Variants in MEGF11 observed in about 807,000 individuals in gnomAD.
MEGF11 encodes multiple EGF like domains 11, also known as multiple epidermal growth factor-like domains protein 11.
Under a neutral mutation model 146.6 loss-of-function variants are expected in MEGF11, and 126 were observed. The observed-to-expected ratio is 0.86, with a 90% confidence interval of 0.74 to 1.00. The LOEUF is 1.00. Ranked by LOEUF, MEGF11 falls within the 50% of genes least tolerant of loss-of-function variation. The probability of loss-of-function intolerance (pLI) is 0.00; values close to 1 mark genes in which losing one functional copy is unlikely to be tolerated. For missense variants in MEGF11, 1,509 were observed against 1,521.2 expected (o/e 0.99, Z 0.13); for synonymous variants, 532 against 583.4 (o/e 0.91, Z 1.27).
intron 5 of MEGF11, among the ~76,000 whole-genome samples, chr15:66,008,392 C>T (rs930589769): frequency 5.3e-5 from 4 of 74,784 alleles, no homozygotes; most frequent in African/African-American, 1.6e-4. Flanking sequence ...CGATGAAACA[C>T]ACATGCACAC....
At chr15:66,203,437 TG>T (rs2091221884) in intron 1 of MEGF11, among the ~76,000 whole-genome samples, 1 of 152,236 alleles carries the variant, frequency 6.6e-6, no homozygotes, top group South Asian at 2.1e-4. Flanking sequence ...AGTCAGACTC[TG>T]GGGTCCCAGG....
chr15:65,914,076 C>T, intron 19 of MEGF11, 103 bp from the exon 20 acceptor site: 1 of 871,036 alleles, frequency 1.1e-6, no homozygotes, highest in South Asian at 1.6e-5. Context: ...GTTAGGAGAT[C>T]TGGTTCTGGC....
At chr15:65,983,948 C>T (rs2081751506) in intron 5 of MEGF11, among the ~76,000 whole-genome samples, 1 of 152,206 alleles carries the variant, frequency 6.6e-6, no homozygotes, top group South Asian at 2.1e-4. Flanking sequence ...AGGATCAGCC[C>T]CACCAGTCCC....
intron 5 of MEGF11, among the ~76,000 whole-genome samples, chr15:66,018,596 GGT>G (rs1420438198): frequency 6.6e-6 from 1 of 152,214 alleles, no homozygotes; most frequent in Non-Finnish European, 1.5e-5. Context: ...TGTGGGAGAG[GGT>G]GTGCGTGTGC....
intron 1 of MEGF11, among the ~76,000 whole-genome samples, chr15:66,143,833 G>T (rs545666617): frequency 6.6e-6 from 1 of 152,078 alleles, no homozygotes; most frequent in Admixed American, 6.5e-5. Flanking sequence ...CTCATTCACC[G>T]TGTCCTTTGA....
At chr15:65,945,604 CAT>C (rs2141403613) in intron 10 of MEGF11, among the ~76,000 whole-genome samples, 1 of 152,262 alleles carries the variant, frequency 6.6e-6, no homozygotes, top group African/African-American at 2.4e-5. Flanking sequence ...AGTGAGAGCA[CAT>C]GAGATGGTGT....
intron 23 of MEGF11, among the ~76,000 whole-genome samples, chr15:65,907,192 T>A (rs1253659384): frequency 1.3e-5 from 2 of 152,216 alleles, no homozygotes; most frequent in Non-Finnish European, 2.9e-5. Flanking sequence ...AGAGTTCCCA[T>A]GTTGAATTTG....
At chr15:66,234,895 G>C (rs2092056241) in intron 1 of MEGF11, among the ~76,000 whole-genome samples, 1 of 152,042 alleles carries the variant, frequency 6.6e-6, no homozygotes, top group African/African-American at 2.4e-5. Context: ...GAGTCCCAGA[G>C]CAATCCCTGG....
chr15:66,107,489 C>T (rs1055106166), intron 4 of MEGF11, among the ~76,000 whole-genome samples: 16 of 152,338 alleles, frequency 1.1e-4, no homozygotes, highest in Admixed American at 5.9e-4. Flanking sequence ...TGCTGCCCTA[C>T]GTCCTGGAAG....
intron 10 of MEGF11, among the ~76,000 whole-genome samples, chr15:65,955,793 T>TATATACACAC (rs1555455862): frequency 4.4e-4 from 3 of 6,776 alleles, no homozygotes; most frequent in East Asian, 5.7e-3. Flanking sequence ...TATATATATA[T>TATATACACAC]ACACACACAC....
At chr15:66,153,977 C>T (rs370718242) in intron 1 of MEGF11, among the ~76,000 whole-genome samples, 3 of 152,282 alleles carry the variant, frequency 2.0e-5, no homozygotes, top group Admixed American at 6.5e-5. Flanking sequence ...GCCCTGGTGA[C>T]GGGTATCAAC....
chr15:66,010,078 G>A (rs1306542400), intron 5 of MEGF11, among the ~76,000 whole-genome samples: 1 of 150,910 alleles, frequency 6.6e-6, no homozygotes. Context: ...GAGAATGGGT[G>A]TCCAGTGTTT....
intron 1 of MEGF11, among the ~76,000 whole-genome samples, chr15:66,243,836 A>G (rs993330607): frequency 6.6e-6 from 1 of 152,140 alleles, no homozygotes; most frequent in Admixed American, 6.5e-5. Context: ...CTAGATACAC[A>G]GGGGTAAGTC....
intron 10 of MEGF11, among the ~76,000 whole-genome samples, chr15:65,936,648 C>T (rs770726023): frequency 5.9e-5 from 9 of 152,194 alleles, no homozygotes; most frequent in Non-Finnish European, 1.0e-4. Flanking sequence ...CTCATGCCTA[C>T]ATCCAGGTAT....
chr15:65,922,871 C>T lies in MEGF11; in HGVS notation c.1774G>A (p.Gly592Arg), dbSNP rs749601262. The change falls in exon 14 of 26, where the codon GGG (glycine) becomes AGG (arginine). Residue 592 changes from glycine (G) to arginine (R), a missense_variant. Physicochemically the swap from Gly to Arg is moderately radical, Grantham distance 125 (BLOSUM62 -2). Coordinates refer to ENST00000395614, the MANE Select transcript of MEGF11 (RefSeq NM_001385028.1). ...AAGCCAGGGGCACACTCGCAGCTCC[C>T]ATCCTCTGGGGAGCAGGAGCCTCCA... ...ENGGSCSPEDGSCECAPGFRG... is the reference protein window; with the variant it reads ...ENGGSCSPEDRSCECAPGFRG... The T allele has an allele frequency of 1.9e-5, 30 of 1,613,492 alleles. No individual in the cohort carries two copies. Among genetic ancestry groups the T allele is most frequent in the Non-Finnish European group, 2.5e-5 (30 of 1,179,808 alleles).
chr15:66,046,915 GACA>G (rs2084228428), intron 5 of MEGF11, among the ~76,000 whole-genome samples: 2 of 152,162 alleles, frequency 1.3e-5, no homozygotes, highest in Admixed American at 6.5e-5. Flanking sequence ...GAGGAATGGG[GACA>G]ACAAGGACAG....
In MEGF11 at chr15:66,005,226, C is replaced by T. The variant is rs192253977; in HGVS notation, c.395-22738G>A. Among the ~76,000 whole-genome samples the T allele has an allele frequency of 2.5e-3, 381 of 152,320 alleles. 1 individual carries two copies. The highest frequency in any genetic ancestry group is 0.01 in the Middle Eastern group (3 of 294). Reference sequence around the variant, plus strand: ...TCTCCCACCTCCACTTTCTGCTAGTCGGTGCTTGTTCTTTCACAGCCTTAA... The same window carrying T: ...TCTCCCACCTCCACTTTCTGCTAGTTGGTGCTTGTTCTTTCACAGCCTTAA... On this transcript the variant is annotated intron_variant, in intron 5 of 25. Transcript: ENST00000395614.
At chr15:65,940,820 T>A (rs1244388082) in intron 10 of MEGF11, among the ~76,000 whole-genome samples, 1 of 152,204 alleles carries the variant, frequency 6.6e-6, no homozygotes, top group Non-Finnish European at 1.5e-5. Context: ...GGAAGCCCCA[T>A]GTAGTATTCA....
intron 5 of MEGF11, among the ~76,000 whole-genome samples, chr15:66,036,866 G>T (rs146030236): frequency 6.6e-6 from 1 of 152,156 alleles, no homozygotes; most frequent in African/African-American, 2.4e-5. Flanking sequence ...GATAACAAGC[G>T]TCTATCAACT....
Sources: allele counts gnomAD v4.1 joint callset (sites outside exome capture counted in the v4.1 genomes callset), GRCh38; gene constraint gnomAD v4.1.1; transcripts MANE v1.5; gene names NCBI Gene and HGNC (gene_info 2026-07-23, HGNC 2026-07-21).